Variants in ADGRL3 observed in about 807,000 individuals in gnomAD.
ADGRL3 encodes the protein adhesion G protein-coupled receptor L3, also known as calcium-independent alpha-latrotoxin receptor 3.
ADGRL3 carries 62 observed loss-of-function variants against 153.5 expected under a neutral mutation model. The observed-to-expected ratio is 0.40, with a 90% CI of 0.33 to 0.50. The LOEUF (loss-of-function observed/expected upper bound fraction) is 0.50. Among genes scored for constraint, ADGRL3 ranks in the 20% least tolerant of loss-of-function variants. The probability of loss-of-function intolerance (pLI) is 0.47; values close to 1 mark genes in which losing one functional copy is unlikely to be tolerated. For synonymous variants in ADGRL3, 710 were observed against 672.5 expected (o/e 1.06, Z -0.86); for missense variants, 1,641 against 1,859.4 (o/e 0.88, Z 2.16).
At chr4:61,346,793 A>T (rs2095921414) in intron 1 of ADGRL3, among the ~76,000 whole-genome samples, 1 of 151,656 alleles carries the variant, frequency 6.6e-6, no homozygotes, top group Non-Finnish European at 1.5e-5. Flanking sequence ...AAAAAAAAAA[A>T]AAAAAAAAAG....
At chr4:61,611,912 G>T (rs993439778) in intron 5 of ADGRL3, among the ~76,000 whole-genome samples, 1 of 151,922 alleles carries the variant, frequency 6.6e-6, no homozygotes, top group East Asian at 1.9e-4. Context: ...GAGTAAGATC[G>T]TGTCTAAAAA....
At chr4:61,717,238 A>G (rs1172443466) in intron 6 of ADGRL3, among the ~76,000 whole-genome samples, 1 of 139,174 alleles carries the variant, frequency 7.2e-6, no homozygotes, top group Non-Finnish European at 1.6e-5. Flanking sequence ...GTGTGTGTGT[A>G]TAACAAACCA....
chr4:61,354,985 C>T (rs985366806), intron 1 of ADGRL3, among the ~76,000 whole-genome samples: 1 of 151,964 alleles, frequency 6.6e-6, no homozygotes, highest in Non-Finnish European at 1.5e-5. Context: ...TTCAATGGAC[C>T]AGAATAATTT....
chr4:61,433,067 A>G (rs2097395613), intron 2 of ADGRL3, among the ~76,000 whole-genome samples: 2 of 152,194 alleles, frequency 1.3e-5, no homozygotes, highest in African/African-American at 4.8e-5. Flanking sequence ...GGGCATCACT[A>G]TGCATGGCTT....
chr4:62,059,972 C>T (rs1397606011), intron 25 of ADGRL3, among the ~76,000 whole-genome samples: 1 of 152,056 alleles, frequency 6.6e-6, no homozygotes, highest in African/African-American at 2.4e-5. Flanking sequence ...TAGATATAAC[C>T]ACATAGATTA....
intron 5 of ADGRL3, among the ~76,000 whole-genome samples, chr4:61,590,186 A>C (rs2098963736): frequency 2.0e-5 from 3 of 152,120 alleles, no homozygotes; most frequent in South Asian, 2.1e-4. Context: ...ATTATCATAC[A>C]GCTGCCTTGT....
chr4:61,330,457 GCC>G (rs1298560101), intron 1 of ADGRL3, among the ~76,000 whole-genome samples: 5 of 152,192 alleles, frequency 3.3e-5, no homozygotes, highest in Admixed American at 3.3e-4. Flanking sequence ...TGGTTCTTAG[GCC>G]TTTGGGTTTA....
At chr4:61,968,735 T>C (rs1245252858) in intron 17 of ADGRL3, among the ~76,000 whole-genome samples, 2 of 152,270 alleles carry the variant, frequency 1.3e-5, no homozygotes, top group East Asian at 1.9e-4. Context: ...TCTATTAATA[T>C]TGTGTAAAGA....
intron 1 of ADGRL3, among the ~76,000 whole-genome samples, chr4:61,357,394 C>G (rs1035763629): frequency 1.3e-5 from 2 of 151,992 alleles, no homozygotes; most frequent in Non-Finnish European, 2.9e-5. Flanking sequence ...TTTCCACTGT[C>G]ATATTAATGT....
intron 6 of ADGRL3, among the ~76,000 whole-genome samples, chr4:61,698,454 AAACAACAACAAC>A (rs567818894): frequency 2.0e-5 from 3 of 151,770 alleles, no homozygotes; most frequent in Non-Finnish European, 2.9e-5. Context: ...CATCTCAAAC[AAACAACAACAAC>A]AACAACAACA....
At chr4:61,513,431 A>G (rs1196287836) in intron 3 of ADGRL3, among the ~76,000 whole-genome samples, 2 of 152,100 alleles carry the variant, frequency 1.3e-5, no homozygotes, top group Non-Finnish European at 2.9e-5. Context: ...TCTTTTGTTT[A>G]TCTCTTGCCA....
At chr4:61,532,216 A>C (rs1327690393) in intron 4 of ADGRL3, among the ~76,000 whole-genome samples, 1 of 152,184 alleles carries the variant, frequency 6.6e-6, no homozygotes, top group South Asian at 2.1e-4. Context: ...AGACAGAAAA[A>C]GTCTTGCATT....
intron 3 of ADGRL3, among the ~76,000 whole-genome samples, chr4:61,508,207 C>T (rs1391809230): frequency 2.0e-5 from 3 of 152,122 alleles, no homozygotes; most frequent in Non-Finnish European, 4.4e-5. Flanking sequence ...AAGGTATTTA[C>T]ATCACAGTAT....
chr4:61,499,744 A>G (rs1410711375), intron 3 of ADGRL3, among the ~76,000 whole-genome samples: 1 of 152,172 alleles, frequency 6.6e-6, no homozygotes, highest in Non-Finnish European at 1.5e-5. Context: ...ACCTACATAT[A>G]TATTTACACA....
chr4:61,652,321 A>AT (rs1220252634), intron 5 of ADGRL3, among the ~76,000 whole-genome samples: 4 of 152,172 alleles, frequency 2.6e-5, no homozygotes, highest in African/African-American at 9.7e-5. Flanking sequence ...TTTTACTTAT[A>AT]TTTTTTACCC....
chr4:61,353,237 A>C (rs1017127631), intron 1 of ADGRL3, among the ~76,000 whole-genome samples: 2 of 152,172 alleles, frequency 1.3e-5, no homozygotes, highest in African/African-American at 4.8e-5. Flanking sequence ...GTGTGTGTGC[A>C]TATGTATACT....
chr4:61,953,083 G>A (rs1261306358), intron 17 of ADGRL3, among the ~76,000 whole-genome samples: 4 of 152,122 alleles, frequency 2.6e-5, no homozygotes, highest in Admixed American at 2.6e-4. Flanking sequence ...AAAACAAGGA[G>A]ACTGATCATC....
rs184379616 is a variant in ADGRL3, at chr4:61,507,488, C to T, written c.56-9827C>T. 2.0e-5 allele frequency among the ~76,000 whole-genome samples: 3 copies of T among 152,250 alleles called. No homozygotes were observed. In the East Asian group the frequency reaches 5.8e-4, roughly 29 times the overall value. ...TAATCGATCATTTTGACATTTGAGC[C>T]TGTTAACATATTTGCTGTCTTGTTA... On this transcript the variant is annotated intron_variant, in intron 3 of 26. Coordinates refer to ENST00000683033, the MANE Select transcript of ADGRL3 (RefSeq NM_001387552.1).
At chr4:61,689,673 G>C (rs2095505003) in intron 6 of ADGRL3, among the ~76,000 whole-genome samples, 1 of 151,976 alleles carries the variant, frequency 6.6e-6, no homozygotes, top group South Asian at 2.1e-4. Flanking sequence ...ATTCTATCCA[G>C]TTTCTCATTT....
Sources: gnomAD v4.1 joint callset for allele counts (sites outside exome capture counted in the v4.1 genomes callset) on GRCh38, gnomAD v4.1.1 for gene constraint, MANE v1.5 for transcripts, NCBI Gene and HGNC (gene_info 2026-07-23, HGNC 2026-07-21) for gene names.